The following ASIC2 variants were observed in gnomAD, a reference collection of about 807,000 sequenced individuals.
ASIC2 encodes acid sensing ion channel subunit 2.
ASIC2 carries 25 observed loss-of-function variants against 57.3 expected under a neutral mutation model. The ratio of observed to expected loss-of-function variants is 0.44; its 90% CI spans 0.32 to 0.61. The LOEUF (loss-of-function observed/expected upper bound fraction) is 0.61, where lower values mean the gene tolerates loss of function less well. Ranked by LOEUF, ASIC2 falls within the 20% of genes least tolerant of loss-of-function variation. ASIC2 has a pLI of 0.06. For missense variants in ASIC2, 641 were observed against 738.1 expected (o/e 0.87, Z 1.52); for synonymous variants, 319 against 307.5 (o/e 1.04, Z -0.39).
chr17:33,205,019 A>G (rs1326704408), intron 1 of ASIC2, among the ~76,000 whole-genome samples: 1 of 152,218 alleles, frequency 6.6e-6, no homozygotes, highest in Non-Finnish European at 1.5e-5. Flanking sequence ...TACTTAAGAA[A>G]GTTTGACTGG....
At chr17:33,659,554 A>C (rs1907183756) in intron 1 of ASIC2, among the ~76,000 whole-genome samples, 1 of 152,162 alleles carries the variant, frequency 6.6e-6, no homozygotes, top group African/African-American at 2.4e-5. Context: ...AGATACAGTA[A>C]AGATATAGCA....
chr17:33,207,034 G>T (rs192565296), intron 1 of ASIC2, among the ~76,000 whole-genome samples: 2 of 151,990 alleles, frequency 1.3e-5, no homozygotes, highest in African/African-American at 2.4e-5. Flanking sequence ...AATAATTCCC[G>T]CCCTGACCAT....
chr17:33,412,234 C>G (rs991843917), intron 1 of ASIC2, among the ~76,000 whole-genome samples: 1 of 152,200 alleles, frequency 6.6e-6, no homozygotes, highest in Non-Finnish European at 1.5e-5. Context: ...GACTGCCCAG[C>G]ACAACTGTCT....
Position 34,013,877 on chromosome 17 carries a change from A to G in ASIC2, c.555+142101T>C, listed in dbSNP as rs75134136. Reference sequence around the variant, plus strand: ...ATGGCCTCTGCTTTCTTTACCCCGCAGCCCTCAGTGTGCCTGGCCCTGATA... The same window carrying G: ...ATGGCCTCTGCTTTCTTTACCCCGCGGCCCTCAGTGTGCCTGGCCCTGATA... On this transcript the variant is annotated intron_variant, in intron 1 of 9. Coordinates refer to the ASIC2 transcript ENST00000359872. Among the ~76,000 whole-genome samples the G allele has an allele frequency of 7.8e-3, 1,180 of 152,238 alleles. 18 individuals are homozygous for G. Among genetic ancestry groups the G allele is most frequent in the African/African-American group, 0.027 (1,103 of 41,542 alleles).
chr17:33,698,080 T>C (rs989621136), intron 1 of ASIC2, among the ~76,000 whole-genome samples: 3 of 152,256 alleles, frequency 2.0e-5, no homozygotes, highest in Non-Finnish European at 4.4e-5. Context: ...CTACTTTATA[T>C]TCACATAATT....
intron 1 of ASIC2, among the ~76,000 whole-genome samples, chr17:33,480,245 G>A (rs1280117921): frequency 1.3e-5 from 2 of 152,134 alleles, no homozygotes; most frequent in Non-Finnish European, 1.5e-5. Context: ...CCTTTCTCAT[G>A]GGGGAGACAG....
At chr17:33,801,369 C>G (rs1912128290) in intron 1 of ASIC2, among the ~76,000 whole-genome samples, 1 of 152,180 alleles carries the variant, frequency 6.6e-6, no homozygotes, top group Admixed American at 6.5e-5. Context: ...CACACCTTTG[C>G]TCTCTGCTGC....
At chr17:33,540,154 C>T (rs1423074311) in intron 1 of ASIC2, among the ~76,000 whole-genome samples, 1 of 152,120 alleles carries the variant, frequency 6.6e-6, no homozygotes, top group East Asian at 1.9e-4. Context: ...TGTTCCAGGC[C>T]TCTCTTCTAG....
chr17:33,137,624 A>G (rs1310507215), intron 1 of ASIC2, among the ~76,000 whole-genome samples: 1 of 151,994 alleles, frequency 6.6e-6, no homozygotes. Flanking sequence ...GTTGAGAGCT[A>G]CTCTTGGAGT....
chr17:33,415,423 GTTA>G (rs1244315937), intron 1 of ASIC2, among the ~76,000 whole-genome samples: 1 of 151,846 alleles, frequency 6.6e-6, no homozygotes, highest in Non-Finnish European at 1.5e-5. Flanking sequence ...TTATTGAGTT[GTTA>G]TTTTTATTAT....
intron 1 of ASIC2, among the ~76,000 whole-genome samples, chr17:33,351,695 A>C (rs1908187451): frequency 6.6e-6 from 1 of 152,214 alleles, no homozygotes; most frequent in Non-Finnish European, 1.5e-5. Flanking sequence ...TCATAATGCA[A>C]CTTTAAGTCT....
chr17:33,722,884 C>T (rs1361568576), intron 1 of ASIC2, among the ~76,000 whole-genome samples: 4 of 152,204 alleles, frequency 2.6e-5, no homozygotes, highest in African/African-American at 7.2e-5. Context: ...TGTGATACCA[C>T]TATAAACTCC....
chr17:33,446,291 AAC>A (rs1172802508), intron 1 of ASIC2, among the ~76,000 whole-genome samples: 2 of 152,150 alleles, frequency 1.3e-5, no homozygotes, highest in Non-Finnish European at 2.9e-5. Context: ...TAAGAATCTG[AAC>A]ATAGTAATCC....
intron 1 of ASIC2, among the ~76,000 whole-genome samples, chr17:33,173,112 T>G (rs1335533975): frequency 6.6e-6 from 1 of 152,190 alleles, no homozygotes; most frequent in Non-Finnish European, 1.5e-5. Context: ...GTGCTCCATA[T>G]ATTTCATTTT....
intron 1 of ASIC2, among the ~76,000 whole-genome samples, chr17:34,034,901 T>G (rs1462552615): frequency 6.6e-6 from 1 of 152,118 alleles, no homozygotes; most frequent in Non-Finnish European, 1.5e-5. Flanking sequence ...TGCTTATGGA[T>G]AGGAAGAATC....
intron 1 of ASIC2, among the ~76,000 whole-genome samples, chr17:33,386,678 C>G (rs894725136): frequency 3.3e-5 from 5 of 152,176 alleles, no homozygotes; most frequent in Non-Finnish European, 7.3e-5. Context: ...CGCCCCTGCT[C>G]TATGGTTTTT....
intron 1 of ASIC2, among the ~76,000 whole-genome samples, chr17:33,820,762 G>T (rs1912719217): frequency 6.6e-6 from 1 of 152,146 alleles, no homozygotes; most frequent in South Asian, 2.1e-4. Flanking sequence ...GGTTGCTCTT[G>T]AACTCCTGGG....
intron 1 of ASIC2, among the ~76,000 whole-genome samples, chr17:33,689,771 G>A (rs1044822766): frequency 1.3e-5 from 2 of 152,226 alleles, no homozygotes; most frequent in African/African-American, 4.8e-5. Flanking sequence ...CCAGTGACCA[G>A]TGTCCTCTTC....
intron 3 of ASIC2, among the ~76,000 whole-genome samples, chr17:33,067,274 AGGGC>A (rs1460981702): frequency 1.3e-5 from 2 of 152,234 alleles, no homozygotes; most frequent in Non-Finnish European, 1.5e-5. Flanking sequence ...TCGTGTACCA[AGGGC>A]CACAGACAAA....
Sources: allele counts gnomAD v4.1 joint callset (sites outside exome capture counted in the v4.1 genomes callset), GRCh38; gene constraint gnomAD v4.1.1; transcripts MANE v1.5; gene names NCBI Gene and HGNC (gene_info 2026-07-23, HGNC 2026-07-21).